The following GTSE1 variants were observed in gnomAD, a reference collection of about 807,000 sequenced individuals.
The protein encoded by GTSE1 is G2 and S-phase expressed 1, also known as G2 and S phase-expressed protein 1.
Under a neutral mutation model 60.5 loss-of-function variants are expected in GTSE1, and 52 were observed. That is an observed-to-expected ratio of 0.86 (90% confidence interval 0.69 to 1.08). The LOEUF (loss-of-function observed/expected upper bound fraction) is 1.08. Ranked by LOEUF, GTSE1 falls within the 50% of genes least tolerant of loss-of-function variation. The pLI is 0.00. For missense variants in GTSE1, 937 were observed against 961.8 expected (o/e 0.97, Z 0.34); for synonymous variants, 368 against 386.5 (o/e 0.95, Z 0.56).
At position 46,310,562 on chromosome 22, in the gene GTSE1, C is replaced by A. The variant is rs935679863; in HGVS notation, c.763-1579C>A. Among the ~76,000 whole-genome samples the A allele has an allele frequency of 2.2e-4, 34 of 152,322 alleles. No homozygotes were observed. The highest frequency in any genetic ancestry group is 7.7e-4 in the African/African-American group (32 of 41,566). On this transcript the variant is annotated intron_variant, in intron 4 of 11. Coordinates refer to ENST00000454366, the MANE Select transcript of GTSE1 (RefSeq NM_016426.7). This position sits in a 1 kb window ranked among gnomAD's most constrained non-coding sequence, Gnocchi z 4.4. ...ATAACAGCCAAAAAAGTAGGACCAA[C>A]CCAGGCATCCAGCAAATGATGATTG...
rs2077731413 is a variant in GTSE1, at chr22:46,308,767, C to A, written c.586C>A (p.Gln196Lys). The A allele has an allele frequency of 6.2e-7, 1 of 1,612,964 alleles. No homozygotes were observed. The highest frequency in any genetic ancestry group is 1.7e-5 in the Admixed American group (1 of 59,998). Reference sequence around the variant, plus strand: ...CCCGGCCCTGCCCAGCTCTGGTGCCCAGGCCCGCCTCACCCGGGCGCCGGG... The same window carrying A: ...CCCGGCCCTGCCCAGCTCTGGTGCCAAGGCCCGCCTCACCCGGGCGCCGGG... Reference protein sequence around the residue: ...SSPALPSSGAQARLTRAPGPP... With the variant: ...SSPALPSSGAKARLTRAPGPP... The change falls in exon 4 of 12, where the codon CAG becomes AAG. Residue 196 changes from glutamine (Q) to lysine (K), a missense_variant. By Grantham distance (53) the Gln-to-Lys change is moderately conservative (BLOSUM62 1). Coordinates refer to ENST00000454366, the MANE Select transcript of GTSE1 (RefSeq NM_016426.7).
chr22:46,302,228 T>A (rs1006460646), intron 2 of GTSE1, among the ~76,000 whole-genome samples: 17 of 152,366 alleles, frequency 1.1e-4, no homozygotes, highest in Admixed American at 9.8e-4. Flanking sequence ...TTATTAATTT[T>A]TTATTACTTT....
chr22:46,303,261 T>C (rs1385091027), intron 2 of GTSE1, among the ~76,000 whole-genome samples: 1 of 152,210 alleles, frequency 6.6e-6, no homozygotes, highest in African/African-American at 2.4e-5. Context: ...TTATATCCAT[T>C]TTGCATATTT....
At position 46,316,285 on chromosome 22, in the gene GTSE1, C is replaced by T. The variant is rs755630015; in HGVS notation, c.1305C>T (p.Cys435=). The T allele has an allele frequency of 3.7e-6, 6 of 1,613,862 alleles. No homozygotes were observed. The highest frequency in any genetic ancestry group is 1.3e-5 in the African/African-American group (1 of 74,946). ...GCGGCCAGTGGCTGAACTCCAGTTG[C>T]GCTTGGTCAGAATCTTCTCAATTGA... ...EGGGQWLNSS[C]AWSESSQLNK... is the part of the protein sequence containing the mutation. Residue 435 remains cysteine (C), a synonymous_variant, in exon 7 of 12, where the codon TGC becomes TGT. Transcript: ENST00000454366. This position sits in a 1 kb window ranked among gnomAD's most constrained non-coding sequence, Gnocchi z 5.0.
intron 2 of GTSE1, among the ~76,000 whole-genome samples, chr22:46,305,090 G>A (rs1164658782): frequency 6.6e-6 from 1 of 152,196 alleles, no homozygotes. Context: ...GTGGAAGTAA[G>A]TTGGAAAGTT....
chr22:46,311,936 C>G (rs935358482), intron 4 of GTSE1, among the ~76,000 whole-genome samples: 1 of 152,178 alleles, frequency 6.6e-6, no homozygotes, highest in Non-Finnish European at 1.5e-5. Context: ...AATGAGGAAG[C>G]AAAATCCATC....
chr22:46,306,244 C>T (rs1333176916), intron 2 of GTSE1, among the ~76,000 whole-genome samples: 3 of 151,970 alleles, frequency 2.0e-5, no homozygotes, highest in Non-Finnish European at 2.9e-5. Flanking sequence ...TGCAGTGGCG[C>T]GATCTCTGCT....
At position 46,319,477 on chromosome 22, in the gene GTSE1, C is replaced by T. The variant is rs2077799866; in HGVS notation, c.1432+3065C>T. On this transcript the variant is annotated intron_variant, in intron 7 of 11. Coordinates refer to ENST00000454366, the MANE Select transcript of GTSE1 (RefSeq NM_016426.7). This position sits in a 1 kb window ranked among gnomAD's most constrained non-coding sequence, Gnocchi z 5.0. ...CAGTGCAGAGAGGGACTCGAGTGTC[C>T]CTGAGGTTCTGGCGGAACCTGGGTG... is the stretch of plus-strand genomic sequence containing the variant. Among the ~76,000 whole-genome samples, 1 of 152,060 alleles carries T rather than the reference C, an allele frequency of 6.6e-6. No homozygotes were observed. Among genetic ancestry groups the T allele is most frequent in the Admixed American group, 6.6e-5 (1 of 15,254 alleles).
Position 46,329,662 on chromosome 22 carries a change from A to AAGACTCAACAGCCACTCTCAAG in GTSE1, c.2136+95_2136+96insAGACTCAACAGCCACTCTCAAG. The AAGACTCAACAGCCACTCTCAAG allele has an allele frequency of 1.0e-6, 1 of 964,800 alleles. No individual in the cohort carries two copies. 59.8% of individuals were successfully genotyped at this position (964,800 alleles called of 1,614,324 possible). A position where few individuals can be genotyped will look rare whatever the true frequency, so the allele number is the denominator to read the frequency against. On this transcript the variant is annotated intron_variant, in intron 11 of 11. Transcript: ENST00000454366. The surrounding 1 kb of genome is among the most constrained non-coding windows in gnomAD (Gnocchi z 6.4). ...CCAGGGCCATCGTGGGACCCTTGAG[A>AAGACTCAACAGCCACTCTCAAG]GTGGCTGTTGAGTCTTCTCAGCTAC... is the stretch of plus-strand genomic sequence containing the variant.
chr22:46,308,913 A>C lies in GTSE1; in HGVS notation c.732A>C (p.Arg244Ser). The change falls in exon 4 of 12, where the codon AGA (arginine) becomes AGC (serine). Residue 244 changes from arginine to serine, a missense_variant. Transcript: ENST00000454366. The part of the protein sequence containing the change: ...KLLLPRAASV[R>S]GRSIPGAAEK... Reference sequence around the variant, plus strand: ...TGCTGCCTCGAGCGGCCTCTGTTAGAGGAAGAAGCATCCCTGGGGCTGCGG... The same window carrying C: ...TGCTGCCTCGAGCGGCCTCTGTTAGCGGAAGAAGCATCCCTGGGGCTGCGG... The C allele has an allele frequency of 6.2e-7, 1 of 1,612,482 alleles. No individual in the cohort carries two copies. Among genetic ancestry groups the C allele is most frequent in the African/African-American group, 1.3e-5 (1 of 75,062 alleles).
intron 2 of GTSE1, among the ~76,000 whole-genome samples, chr22:46,305,693 G>A (rs978384531): frequency 6.6e-6 from 1 of 151,962 alleles, no homozygotes; most frequent in Admixed American, 6.6e-5. Flanking sequence ...TGGAACACAA[G>A]GTCAGGAATT....
At chr22:46,311,153 C>T (rs2077746119) in intron 4 of GTSE1, among the ~76,000 whole-genome samples, 1 of 152,054 alleles carries the variant, frequency 6.6e-6, no homozygotes, top group Admixed American at 6.6e-5. Flanking sequence ...TCTCGGCTCA[C>T]TGCATCCTCT....
chr22:46,311,330 G>A (rs893579091), intron 4 of GTSE1, among the ~76,000 whole-genome samples: 3 of 152,078 alleles, frequency 2.0e-5, no homozygotes, highest in African/African-American at 7.2e-5. Flanking sequence ...TGCCCGCCTC[G>A]GCCTCACAAA....
intron 2 of GTSE1, among the ~76,000 whole-genome samples, chr22:46,300,284 G>T (rs1395538831): frequency 6.6e-6 from 1 of 152,042 alleles, no homozygotes; most frequent in Non-Finnish European, 1.5e-5. Flanking sequence ...TTTCAGTAGA[G>T]ACGGGGTTTC....
At chr22:46,298,214 C>G (rs1220495491) in intron 2 of GTSE1, among the ~76,000 whole-genome samples, 1 of 151,046 alleles carries the variant, frequency 6.6e-6, no homozygotes, top group East Asian at 2.0e-4. Flanking sequence ...CTGCCTGCCT[C>G]GGCCTCCCAA....
Position 46,308,580 on chromosome 22 carries a change from C to A in GTSE1, c.399C>A (p.Gly133=). ...AAKPEDPRSQ[G]VERFIQESKL... is the part of the protein sequence containing the mutation. ...AGCCTGAAGACCCTCGGAGCCAGGG[C>A]GTGGAAAGATTCATACAGGAGTCAA... Residue 133 remains glycine (G), a synonymous_variant, in exon 4 of 12, where the codon GGC becomes GGA. Transcript: ENST00000454366. 1 of 1,614,042 alleles carries A rather than the reference C, an allele frequency of 6.2e-7. No individual in the cohort carries two copies.
rs2077783544 is a variant in GTSE1, at chr22:46,316,749, G to T, written c.1432+337G>T. Among the ~76,000 whole-genome samples the T allele has an allele frequency of 6.6e-6, 1 of 152,100 alleles. No individual in the cohort carries two copies. Among genetic ancestry groups the T allele is most frequent in the African/African-American group, 2.4e-5 (1 of 41,410 alleles). Reference sequence around the variant, plus strand: ...CGCTGAGGGTTTCTTAAGCTTCTTTGATCTGTGGGTTGGTTTTTTTCAGCA... The same window carrying T: ...CGCTGAGGGTTTCTTAAGCTTCTTTTATCTGTGGGTTGGTTTTTTTCAGCA... On this transcript the variant is annotated intron_variant, in intron 7 of 11. Transcript: ENST00000454366. This position sits in a 1 kb window ranked among gnomAD's most constrained non-coding sequence, Gnocchi z 5.0.
At position 46,320,136 on chromosome 22, in the gene GTSE1, G is replaced by A. The variant is rs753047077; in HGVS notation, c.1433-3054G>A. 6.6e-6 allele frequency among the ~76,000 whole-genome samples: 1 copy of A among 152,174 alleles called. No individual in the cohort carries two copies. Among genetic ancestry groups the A allele is most frequent in the Non-Finnish European group, 1.5e-5 (1 of 68,032 alleles). On this transcript the variant is annotated intron_variant, in intron 7 of 11. Transcript: ENST00000454366. The surrounding 1 kb of genome is among the most constrained non-coding windows in gnomAD (Gnocchi z 7.1). ...ATGCCTGGAGCCAGGACATGCGTCT[G>A]CCATGTCTCTCCTGACCACGTTGGC...
At chr22:46,302,895 CTT>C (rs34051708) in intron 2 of GTSE1, among the ~76,000 whole-genome samples, 4 of 131,374 alleles carry the variant, frequency 3.0e-5, no homozygotes, top group African/African-American at 1.2e-4. Flanking sequence ...CACTTTCCCT[CTT>C]TTTTTTTTTT....
Sources: gnomAD v4.1 joint callset for allele counts (sites outside exome capture counted in the v4.1 genomes callset) on GRCh38, gnomAD v4.1.1 for gene constraint, Gnocchi (gnomAD v3.1) non-coding constraint, MANE v1.5 for transcripts, NCBI Gene and HGNC (gene_info 2026-07-23, HGNC 2026-07-21) for gene names.